Variants in CHRM3 observed in about 807,000 individuals in gnomAD.
CHRM3 encodes the protein cholinergic receptor muscarinic 3.
A neutral mutation model predicts 41.8 loss-of-function variants in CHRM3; 11 were observed. The observed-to-expected ratio is 0.26, with a 90% CI of 0.17 to 0.44. CHRM3 has a LOEUF of 0.44. CHRM3 is among the 20% of genes least tolerant of loss of function. CHRM3 has a pLI of 1.00. For synonymous variants in CHRM3, 297 were observed against 301.4 expected, an observed-to-expected ratio of 0.99 and a Z score of 0.15; for missense variants, 571 against 745.4, an observed-to-expected ratio of 0.77 and a Z score of 2.72.
chr1:239,577,752 A>G (rs1662508812), intron 3 of CHRM3, among the ~76,000 whole-genome samples: 1 of 152,130 alleles, frequency 6.6e-6, no homozygotes, highest in Non-Finnish European at 1.5e-5. Flanking sequence ...TGTATTTCCT[A>G]TCAGATTTAT....
chr1:239,582,791 C>G (rs75331891), intron 3 of CHRM3, among the ~76,000 whole-genome samples: 2 of 152,070 alleles, frequency 1.3e-5, no homozygotes, highest in East Asian at 3.9e-4. Context: ...CAGTGACTAG[C>G]GTGAAATTTC....
intron 5 of CHRM3, among the ~76,000 whole-genome samples, chr1:239,786,876 A>T (rs575263967): frequency 3.1e-3 from 478 of 152,322 alleles, no homozygotes; most frequent in Middle Eastern, 0.017. Context: ...CAGGTCATGG[A>T]AAATCCTGTA....
intron 6 of CHRM3, among the ~76,000 whole-genome samples, chr1:239,848,016 T>C (rs191902155): frequency 2.6e-5 from 4 of 152,124 alleles, no homozygotes; most frequent in African/African-American, 9.6e-5. Flanking sequence ...AGCTGATCCA[T>C]TGAAGTATGT....
chr1:239,794,420 G>A (rs574499538), intron 5 of CHRM3, among the ~76,000 whole-genome samples: 2 of 148,398 alleles, frequency 1.3e-5, no homozygotes, highest in South Asian at 2.1e-4. Flanking sequence ...TTTCCCTGAG[G>A]TGACCTATTA....
chr1:239,586,532 C>T (rs538423646), intron 3 of CHRM3, among the ~76,000 whole-genome samples: 14 of 152,284 alleles, frequency 9.2e-5, no homozygotes, highest in South Asian at 6.2e-4. Flanking sequence ...TAATCCCCTT[C>T]CCATTCTTCA....
At chr1:239,568,614 AG>A (rs908509046) in intron 3 of CHRM3, among the ~76,000 whole-genome samples, 42 of 152,214 alleles carry the variant, frequency 2.8e-4, no homozygotes, top group African/African-American at 1.0e-3. Context: ...TTCCCATCCC[AG>A]GGACAATGTG....
chr1:239,417,723 A>T (rs985238551), intron 1 of CHRM3, among the ~76,000 whole-genome samples: 1 of 152,114 alleles, frequency 6.6e-6, no homozygotes, highest in Non-Finnish European at 1.5e-5. Flanking sequence ...TTAGAAATTA[A>T]CAAGAAATTA....
chr1:239,487,530 C>A lies in CHRM3; in HGVS notation c.-520-5179C>A, dbSNP rs183002509. On this transcript the variant is annotated intron_variant, in intron 1 of 6. Coordinates refer to ENST00000676153, the MANE Select transcript of CHRM3 (RefSeq NM_001375978.1). ...TTCAGTCAGAAACATGTAAAAAAAC[C>A]AAACACTTCAGACTTCACTGTGAGA... is the stretch of plus-strand genomic sequence containing the variant. 3.0e-3 allele frequency among the ~76,000 whole-genome samples: 455 copies of A among 151,884 alleles called. 6 individuals carry two copies. The highest frequency in any genetic ancestry group is 0.011 in the African/African-American group (440 of 41,438).
At chr1:239,601,526 T>G (rs7526165) in intron 3 of CHRM3, among the ~76,000 whole-genome samples, 123,554 of 151,728 alleles carry the variant, frequency 0.81, 52,939 homozygotes, top group Non-Finnish European at 0.93. Flanking sequence ...TATTAGAGTT[T>G]TATAGTCTTA....
chr1:239,783,071 T>A (rs1668625067), intron 5 of CHRM3, among the ~76,000 whole-genome samples: 2 of 152,080 alleles, frequency 1.3e-5, no homozygotes, highest in Admixed American at 1.3e-4. Flanking sequence ...GAAGAATGTA[T>A]ACTCTAATAC....
chr1:239,700,711 G>A (rs1004552157), intron 5 of CHRM3, among the ~76,000 whole-genome samples: 10 of 152,120 alleles, frequency 6.6e-5, no homozygotes, highest in Non-Finnish European at 1.2e-4. Context: ...GAGTGTTTGG[G>A]AGGAAAATTA....
chr1:239,781,726 T>G (rs1339045916), intron 5 of CHRM3, among the ~76,000 whole-genome samples: 2 of 152,150 alleles, frequency 1.3e-5, no homozygotes, highest in Non-Finnish European at 2.9e-5. Context: ...TAGTTTCTCA[T>G]TATTAAGTAT....
intron 4 of CHRM3, among the ~76,000 whole-genome samples, chr1:239,632,881 A>G (rs1279878036): frequency 1.3e-5 from 2 of 152,228 alleles, no homozygotes; most frequent in Non-Finnish European, 2.9e-5. Flanking sequence ...TTTATAAACA[A>G]AAGAAGTTTA....
At chr1:239,574,143 C>T (rs532660743) in intron 3 of CHRM3, among the ~76,000 whole-genome samples, 152 of 152,232 alleles carry the variant, frequency 1.0e-3, no homozygotes, top group Non-Finnish European at 1.8e-3. Flanking sequence ...GTCTGTGTTT[C>T]TTACCCCATT....
At chr1:239,447,331 G>A (rs900153963) in intron 1 of CHRM3, among the ~76,000 whole-genome samples, 3 of 151,994 alleles carry the variant, frequency 2.0e-5, no homozygotes, top group Non-Finnish European at 2.9e-5. Context: ...GAGGAAGAGA[G>A]GATTAAGTAA....
chr1:239,565,910 C>CTTTTTTTT (rs796838831), intron 3 of CHRM3, among the ~76,000 whole-genome samples: 58 of 117,380 alleles, frequency 4.9e-4, no homozygotes, highest in African/African-American at 1.3e-3. Flanking sequence ...CATCTTTTTT[C>CTTTTTTTT]TTTTTTTTTT....
intron 5 of CHRM3, among the ~76,000 whole-genome samples, chr1:239,759,787 T>G (rs73122594): frequency 0.062 from 9,449 of 152,292 alleles, 721 homozygotes; most frequent in African/African-American, 0.17. Flanking sequence ...TGAGTGCTTA[T>G]TTAATTAAGG....
At chr1:239,411,122 A>C (rs953880024) in intron 1 of CHRM3, among the ~76,000 whole-genome samples, 1 of 152,148 alleles carries the variant, frequency 6.6e-6, no homozygotes, top group Non-Finnish European at 1.5e-5. Context: ...TGGCTCACAC[A>C]ATCATTAGGT....
chr1:239,482,277 CTT>C (rs1666908896), intron 1 of CHRM3, among the ~76,000 whole-genome samples: 1 of 152,114 alleles, frequency 6.6e-6, no homozygotes, highest in East Asian at 1.9e-4. Flanking sequence ...TATCATGTCT[CTT>C]TTCTGCATGA....
Sources: allele counts gnomAD v4.1 joint callset (sites outside exome capture counted in the v4.1 genomes callset), GRCh38; gene constraint gnomAD v4.1.1; transcripts MANE v1.5; gene names NCBI Gene and HGNC (gene_info 2026-07-23, HGNC 2026-07-21).